The following EYS variants were observed in gnomAD, a reference collection of about 807,000 sequenced individuals.
The protein encoded by EYS is protein eyes shut homolog.
A neutral mutation model predicts 282.1 loss-of-function variants in EYS; 250 were observed. The ratio of observed to expected loss-of-function variants is 0.89; its 90% CI spans 0.80 to 0.98. The LOEUF (loss-of-function observed/expected upper bound fraction) is 0.98, where lower values mean the gene tolerates loss of function less well. Among genes scored for constraint, EYS ranks in the 50% least tolerant of loss-of-function variants. The pLI is 0.00. For missense variants in EYS, 4,016 were observed against 3,709.0 expected (o/e 1.08, Z -2.15); for synonymous variants, 1,355 against 1,282.9 (o/e 1.06, Z -1.20).
At chr6:64,592,993 T>C (rs1026494513) in intron 25 of EYS, 124 bp downstream of exon 25, 3 of 669,180 alleles carry the variant, frequency 4.5e-6, no homozygotes, top group Non-Finnish European at 7.0e-6. Flanking sequence ...TAATGCTTAA[T>C]TTTACACCCC....
At chr6:64,411,955 A>G (rs182238960) in intron 28 of EYS, among the ~76,000 whole-genome samples, 4 of 151,478 alleles carry the variant, frequency 2.6e-5, no homozygotes, top group South Asian at 4.2e-4. Context: ...ATGCATGCAT[A>G]TATGTATATA....
At chr6:64,133,885 T>C (rs185226268) in intron 31 of EYS, among the ~76,000 whole-genome samples, 1 of 151,966 alleles carries the variant, frequency 6.6e-6, no homozygotes, top group Non-Finnish European at 1.5e-5. Flanking sequence ...TCTCTAAGTA[T>C]CCCCTAAAGG....
intron 12 of EYS, among the ~76,000 whole-genome samples, chr6:65,271,154 G>A (rs868135832): frequency 9.9e-3 from 157 of 15,880 alleles, no homozygotes; most frequent in East Asian, 0.025. Context: ...ATATATATAT[G>A]AAGATTTATT....
intron 33 of EYS, among the ~76,000 whole-genome samples, chr6:64,018,581 G>T (rs1318682175): frequency 6.6e-6 from 1 of 151,998 alleles, no homozygotes; most frequent in Non-Finnish European, 1.5e-5. Flanking sequence ...ATATGCTGAT[G>T]TCTAGCATAT....
At position 64,444,868 on chromosome 6, in the gene EYS, C is replaced by A. The variant is rs77479085; in HGVS notation, c.5645-5516G>T. ...AAAGAGTGTGGTACTTCCTTTCTCT[C>A]TCGTTTCCTCTCTTGCCATGTGAAA... On this transcript the variant is annotated intron_variant, in intron 26 of 42. Coordinates refer to ENST00000503581, the MANE Select transcript of EYS (RefSeq NM_001142800.2). Among the ~76,000 whole-genome samples, 1,243 of 152,284 alleles carry A rather than the reference C, an allele frequency of 8.2e-3. 17 individuals carry two copies. The highest frequency in any genetic ancestry group is 0.049 in the East Asian group (251 of 5,172).
rs1286262628 is a variant in EYS at position 64,813,399 on chromosome 6, G to A, written c.3422C>T (p.Pro1141Leu). The A allele has an allele frequency of 1.9e-6, 3 of 1,547,202 alleles. No individual in the cohort carries two copies. The highest frequency in any genetic ancestry group is 2.7e-5 in the African/African-American group (2 of 72,808). Residue 1141 changes from proline (P) to leucine (L), a missense_variant, in exon 22 of 43, where the codon CCT (proline) becomes CTT (leucine). Physicochemically the swap from Pro to Leu is moderately conservative, Grantham distance 98. Transcript: ENST00000503581. The part of the protein sequence containing the change: ...CLNGGICVDG[P>L]GHTFDCRCLP... Reference sequence around the variant, plus strand: ...TGACCTGCAGTCAAAAGTATGTCCAGGCCCATCAACACAGATCCCTCCATT... The same window carrying A: ...TGACCTGCAGTCAAAAGTATGTCCAAGCCCATCAACACAGATCCCTCCATT...
chr6:65,335,936 C>T (rs191266466), intron 10 of EYS, among the ~76,000 whole-genome samples: 2 of 151,720 alleles, frequency 1.3e-5, no homozygotes, highest in Admixed American at 6.6e-5. Flanking sequence ...GGCAGTTTCC[C>T]CCTTGCTGTT....
chr6:63,820,687 T>A (rs1771298384), intron 36 of EYS, among the ~76,000 whole-genome samples: 1 of 152,198 alleles, frequency 6.6e-6, no homozygotes, highest in South Asian at 2.1e-4. Context: ...TTTCATCTAT[T>A]AATTAAAACC....
intron 2 of EYS, among the ~76,000 whole-genome samples, chr6:65,608,355 G>C (rs1765875513): frequency 6.6e-6 from 1 of 151,898 alleles, no homozygotes; most frequent in African/African-American, 2.4e-5. Context: ...CACTGTATAG[G>C]GCACTTGCCA....
chr6:64,776,932 A>G (rs4498330), intron 22 of EYS, among the ~76,000 whole-genome samples: 70,643 of 152,072 alleles, frequency 0.46, 19,043 homozygotes, highest in Admixed American at 0.62. Flanking sequence ...GGAAATTTAT[A>G]AAGGAAAGAG....
At chr6:63,937,419 T>C (rs1030559824) in intron 35 of EYS, among the ~76,000 whole-genome samples, 12 of 128,944 alleles carry the variant, frequency 9.3e-5, no homozygotes, top group Non-Finnish European at 1.6e-4. Context: ...CTCACTTTGT[T>C]GCCCAGGCTG....
chr6:65,094,883 T>A (rs1774693567), intron 12 of EYS, among the ~76,000 whole-genome samples: 1 of 151,040 alleles, frequency 6.6e-6, no homozygotes, highest in Non-Finnish European at 1.5e-5. Flanking sequence ...ATAAATAGCC[T>A]AGAGAAACAA....
chr6:64,938,396 T>G (rs949451408), intron 15 of EYS, among the ~76,000 whole-genome samples: 28 of 151,664 alleles, frequency 1.8e-4, no homozygotes, highest in African/African-American at 5.8e-4. Flanking sequence ...ATGTTATGAT[T>G]TTTCTATTTA....
At chr6:64,565,119 T>A (rs1057390625) in intron 26 of EYS, among the ~76,000 whole-genome samples, 1 of 152,206 alleles carries the variant, frequency 6.6e-6, no homozygotes, top group Non-Finnish European at 1.5e-5. Context: ...TGTCTCTTTA[T>A]TGAAGCCTTC....
chr6:64,020,800 A>G (rs1769151664), intron 33 of EYS, among the ~76,000 whole-genome samples: 2 of 152,342 alleles, frequency 1.3e-5, no homozygotes, highest in South Asian at 4.1e-4. Context: ...CTGATATGCT[A>G]GATAATGTCC....
intron 15 of EYS, among the ~76,000 whole-genome samples, chr6:64,936,535 GAATCGACCAAA>G (rs1768911731): frequency 6.6e-6 from 1 of 151,294 alleles, no homozygotes; most frequent in Non-Finnish European, 1.5e-5. Context: ...AAATCCTAAG[GAATCGACCAAA>G]AATTATTATA....
intron 12 of EYS, among the ~76,000 whole-genome samples, chr6:65,120,006 G>T (rs1216942894): frequency 6.6e-6 from 1 of 151,218 alleles, no homozygotes; most frequent in East Asian, 1.9e-4. Flanking sequence ...AAAATTAGCC[G>T]CCGGGCGGGG....
chr6:65,306,477 C>T (rs1325993712), intron 11 of EYS, among the ~76,000 whole-genome samples: 1 of 152,096 alleles, frequency 6.6e-6, no homozygotes, highest in African/African-American at 2.4e-5. Context: ...GGATTTTCTA[C>T]TTATTTCGCT....
At chr6:64,230,084 A>G (rs1222223819) in intron 31 of EYS, among the ~76,000 whole-genome samples, 1 of 152,200 alleles carries the variant, frequency 6.6e-6, no homozygotes. Flanking sequence ...GATGTTGACA[A>G]TAGGAGAATA....
Sources: gnomAD v4.1 joint callset for allele counts (sites outside exome capture counted in the v4.1 genomes callset) on GRCh38, gnomAD v4.1.1 for gene constraint, MANE v1.5 for transcripts, NCBI Gene and HGNC (gene_info 2026-07-23, HGNC 2026-07-21) for gene names.